Variants in OPTN observed in about 807,000 individuals in gnomAD.
The protein encoded by OPTN is E3-14.7K-interacting protein.
A neutral mutation model predicts 70.4 loss-of-function variants in OPTN; 54 were observed. That is an observed-to-expected ratio of 0.77 (90% CI 0.62 to 0.96). The LOEUF (loss-of-function observed/expected upper bound fraction) is 0.96. Ranked by LOEUF, OPTN falls within the 40% of genes least tolerant of loss-of-function variation. The pLI is 0.00. For synonymous variants in OPTN, 256 were observed against 248.5 expected (o/e 1.03, Z -0.28); for missense variants, 624 against 673.2 (o/e 0.93, Z 0.81).
At chr10:13,134,714 C>T (rs1833663355) in intron 14 of OPTN, among the ~76,000 whole-genome samples, 1 of 152,114 alleles carries the variant, frequency 6.6e-6, no homozygotes, top group Non-Finnish European at 1.5e-5. Flanking sequence ...AGGCGTGAGC[C>T]ACCACGCCCG....
In OPTN at chr10:13,115,237, CTA is replaced by C. The variant is rs1471276677; in HGVS notation, c.553-1022_553-1021del. Among the ~76,000 whole-genome samples, 50 of 21,528 alleles carry C rather than the reference CTA, an allele frequency of 2.3e-3. 2 individuals carry two copies. The South Asian group carries it at 0.083, about 36-fold the overall frequency. 14.1% of individuals were successfully genotyped at this position (21,528 alleles called of 152,430 possible). A position where few individuals can be genotyped will look rare whatever the true frequency, so the allele number is the denominator to read the frequency against. On this transcript the variant is annotated intron_variant, in intron 5 of 14. Transcript: ENST00000378747. ...TATATATATTTATATATAGATATAT[CTA>C]TATATATCTATATTTATATCTATAT...
rs529876680 is a variant in OPTN, at chr10:13,132,000, G to A, written c.1402-67G>A. ...AAGGATACAGCACTACCTCCTCATC[G>A]CATAAACACTGTAAGAATCTGCATT... On this transcript the variant is annotated intron_variant, in intron 12 of 14. Coordinates refer to ENST00000378747, the MANE Select transcript of OPTN (RefSeq NM_001008212.2). 8.6e-6 allele frequency: 13 copies of A among 1,517,134 alleles called. No homozygotes were observed. In the East Asian group the frequency reaches 9.4e-5, roughly 11 times the overall value. 94.0% of individuals were successfully genotyped at this position (1,517,134 alleles called of 1,614,324 possible).
chr10:13,105,900 C>A (rs1832855399), intron 1 of OPTN, among the ~76,000 whole-genome samples: 1 of 149,442 alleles, frequency 6.7e-6, no homozygotes, highest in Admixed American at 6.6e-5. Context: ...CAAAGTGAGA[C>A]TCTGTCTGAA....
Position 13,122,417 on chromosome 10 carries a change from G to A in OPTN, c.812G>A (p.Arg271His), listed in dbSNP as rs201896586. The A allele has an allele frequency of 2.2e-5, 36 of 1,613,670 alleles. No individual in the cohort carries two copies. Among genetic ancestry groups the A allele is most frequent in the Non-Finnish European group, 2.8e-5 (33 of 1,179,784 alleles). The change falls in exon 8 of 15, where the codon CGT (arginine) becomes CAT (histidine). Residue 271 changes from arginine (R) to histidine (H), a missense_variant. Coordinates refer to ENST00000378747, the MANE Select transcript of OPTN (RefSeq NM_001008212.2). The part of the protein sequence containing the change: ...VSDFEKKTSN[R>H]SEIETQTEGS... ...GATTTTGAAAAGAAAACAAGTAATC[G>A]TTCTGAGATTGAAACCCAGACAGAG... is the stretch of plus-strand genomic sequence containing the variant.
At position 13,116,352 on chromosome 10, in the gene OPTN, A is replaced by C. The variant is rs1158608126; in HGVS notation, c.626+12A>C. 1.9e-6 allele frequency: 3 copies of C among 1,607,836 alleles called. No homozygotes were observed. Among genetic ancestry groups the C allele is most frequent in the Middle Eastern group, 1.7e-4 (1 of 6,054 alleles). Reference sequence around the variant, plus strand: ...GTCTCCACTGGCACGTATGTGAAGGAAGACTCGGGCTGTCAGGCAGACAGG... The same window carrying C: ...GTCTCCACTGGCACGTATGTGAAGGCAGACTCGGGCTGTCAGGCAGACAGG... On this transcript the variant is annotated intron_variant, in intron 6 of 14. Coordinates refer to ENST00000378747, the MANE Select transcript of OPTN (RefSeq NM_001008212.2).
At chr10:13,100,510 G>A (rs1023716873) in intron 1 of OPTN, among the ~76,000 whole-genome samples, 2 of 152,206 alleles carry the variant, frequency 1.3e-5, no homozygotes, top group Admixed American at 6.5e-5. Flanking sequence ...GACCTGGTGG[G>A]AGAGGGTGGG....
chr10:13,132,727 G>A (rs1029088321), intron 13 of OPTN, among the ~76,000 whole-genome samples: 2 of 151,946 alleles, frequency 1.3e-5, no homozygotes, highest in Admixed American at 6.6e-5. Context: ...CCATCGTCAC[G>A]GATGAAATAT....
At chr10:13,111,951 C>T (rs1208456338) in intron 4 of OPTN, among the ~76,000 whole-genome samples, 1 of 149,432 alleles carries the variant, frequency 6.7e-6, no homozygotes, top group African/African-American at 2.5e-5. Context: ...AGGTTCACGC[C>T]ATTGTCCTGC....
intron 5 of OPTN, among the ~76,000 whole-genome samples, chr10:13,112,894 G>A (rs1833040033): frequency 1.3e-5 from 2 of 150,846 alleles, no homozygotes; most frequent in Non-Finnish European, 3.0e-5. Flanking sequence ...CTGGCAAATT[G>A]AACATTTTTG....
At position 13,115,138 on chromosome 10, in the gene OPTN, A is replaced by G. The variant is rs191579338; in HGVS notation, c.553-1129A>G. 9.0e-3 allele frequency among the ~76,000 whole-genome samples: 878 copies of G among 97,480 alleles called. 9 individuals carry two copies. Among genetic ancestry groups the G allele is most frequent in the African/African-American group, 0.034 (805 of 23,726 alleles). The allele number at this position is 97,480 out of a possible 152,430, so 64.0% of individuals were successfully genotyped here. A position where few individuals can be genotyped will look rare whatever the true frequency, so the allele number is the denominator to read the frequency against. On this transcript the variant is annotated intron_variant, in intron 5 of 14. Coordinates refer to ENST00000378747, the MANE Select transcript of OPTN (RefSeq NM_001008212.2). Reference sequence around the variant, plus strand: ...TTATATATATATATAAATTTATAATATAGATATATCTATATATTTATATAT... The same window carrying G: ...TTATATATATATATAAATTTATAATGTAGATATATCTATATATTTATATAT...
rs1218516498 is a variant in OPTN at position 13,114,847 on chromosome 10, T to C, written c.553-1420T>C. ...TTATATAATTATATAATTATATAAT[T>C]GTATAATATATTCTACAATTATATA... On this transcript the variant is annotated intron_variant, in intron 5 of 14. Coordinates refer to ENST00000378747, the MANE Select transcript of OPTN (RefSeq NM_001008212.2). Among the ~76,000 whole-genome samples, 35 of 30,762 alleles carry C rather than the reference T, an allele frequency of 1.1e-3. 6 individuals are homozygous for C. The highest frequency in any genetic ancestry group is 3.9e-3 in the Admixed American group (8 of 2,068). 20.2% of individuals were successfully genotyped at this position (30,762 alleles called of 152,430 possible). A position where few individuals can be genotyped will look rare whatever the true frequency, so the allele number is the denominator to read the frequency against.
chr10:13,133,204 G>A (rs1397860731), intron 13 of OPTN, among the ~76,000 whole-genome samples: 3 of 152,094 alleles, frequency 2.0e-5, no homozygotes, highest in Admixed American at 6.6e-5. Context: ...TGATATGTGC[G>A]GATGTAATTT....
chr10:13,110,687 A>G (rs1435126537), intron 4 of OPTN, among the ~76,000 whole-genome samples: 1 of 152,184 alleles, frequency 6.6e-6, no homozygotes, highest in Non-Finnish European at 1.5e-5. Flanking sequence ...AGAAATTTGT[A>G]AAGCTTTGAC....
At chr10:13,125,913 C>T in intron 10 of OPTN, 33 bp from the exon 11 acceptor site, 1 of 1,470,590 alleles carries the variant, frequency 6.8e-7, no homozygotes, top group Non-Finnish European at 9.5e-7. Context: ...ATATTTTCCC[C>T]AGGATTCCAT....
Position 13,124,128 on chromosome 10 carries a change from AT to A in OPTN, c.998+22del. ...CAAGAAAAGTAAGAATGAGAGAGCA[AT>A]TTTATCCTCCTTTGAAATATACATT... is the stretch of plus-strand genomic sequence containing the variant. On this transcript the variant is annotated intron_variant, in intron 9 of 14. Transcript: ENST00000378747. The A allele has an allele frequency of 7.3e-7, 1 of 1,370,516 alleles. No individual in the cohort carries two copies. The highest frequency in any genetic ancestry group is 1.0e-6 in the Non-Finnish European group (1 of 961,552). The allele number at this position is 1,370,516 out of a possible 1,614,324, so 84.9% of individuals were successfully genotyped here.
intron 9 of OPTN, among the ~76,000 whole-genome samples, 199 bp downstream of exon 9, chr10:13,124,309 T>A (rs1245014024): frequency 6.6e-6 from 1 of 152,236 alleles, no homozygotes; most frequent in African/African-American, 2.4e-5. Flanking sequence ...GGTTGGGGAC[T>A]GGAGAACTTT....
chr10:13,107,227 T>C (rs1832883996), intron 1 of OPTN, among the ~76,000 whole-genome samples: 1 of 151,190 alleles, frequency 6.6e-6, no homozygotes, highest in African/African-American at 2.4e-5. Flanking sequence ...ATACAAAAAT[T>C]GGCCAGGCAT....
intron 5 of OPTN, among the ~76,000 whole-genome samples, chr10:13,113,895 A>G (rs1403233909): frequency 6.6e-6 from 1 of 151,382 alleles, no homozygotes; most frequent in Non-Finnish European, 1.5e-5. Context: ...CTGTGTGTAC[A>G]TAAAAAAAAA....
At chr10:13,128,534 T>TTTTTTTTG (rs1833522168) in intron 12 of OPTN, among the ~76,000 whole-genome samples, 1 of 121,574 alleles carries the variant, frequency 8.2e-6, no homozygotes, top group Non-Finnish European at 1.7e-5. Context: ...TTTTTTTTTT[T>TTTTTTTTG]GGTTTGGTTT....
Sources: allele counts gnomAD v4.1 joint callset (sites outside exome capture counted in the v4.1 genomes callset), GRCh38; gene constraint gnomAD v4.1.1; transcripts MANE v1.5; gene names NCBI Gene and HGNC (gene_info 2026-07-23, HGNC 2026-07-21).